Variants in NXPE2 observed in about 807,000 individuals in gnomAD.
NXPE2 encodes neurexophilin and PC-esterase domain family member 2.
Under a neutral mutation model 34.4 loss-of-function variants are expected in NXPE2, and 34 were observed. That is an observed-to-expected ratio of 0.99 (90% CI 0.75 to 1.31). NXPE2 has a LOEUF of 1.31. Ranked by LOEUF, NXPE2 falls within the 40% of genes most tolerant of loss-of-function variation. The pLI, the probability that NXPE2 is intolerant of heterozygous loss-of-function variation, is 0.00. For synonymous variants in NXPE2, 235 were observed against 231.3 expected (o/e 1.02, Z -0.15); for missense variants, 649 against 672.5 (o/e 0.97, Z 0.39).
the NXPE2 span, among the ~76,000 whole-genome samples, chr11:114,572,089 A>G: frequency 1.3e-5 from 2 of 152,264 alleles, no homozygotes; most frequent in South Asian, 4.1e-4. Flanking sequence ...TTCTTTGCAG[A>G]CACTCTCCAG....
chr11:114,704,399 A>G (rs1407295424), intron 4 of NXPE2, among the ~76,000 whole-genome samples: 1 of 152,184 alleles, frequency 6.6e-6, no homozygotes, highest in African/African-American at 2.4e-5. Context: ...GATGAGCTGC[A>G]CAGATTCAGA....
At chr11:114,491,485 C>G in the NXPE2 span, among the ~76,000 whole-genome samples, 1 of 151,900 alleles carries the variant, frequency 6.6e-6, no homozygotes, top group African/African-American at 2.4e-5. Context: ...GTTAGAATGG[C>G]GATCATTAAA....
At chr11:114,774,701 C>T in the NXPE2 span, among the ~76,000 whole-genome samples, 1 of 152,180 alleles carries the variant, frequency 6.6e-6, no homozygotes, top group Non-Finnish European at 1.5e-5. Flanking sequence ...TTCTCCTTCC[C>T]CCTTTCGCCC....
At chr11:114,765,692 C>A in the NXPE2 span, among the ~76,000 whole-genome samples, 1 of 152,130 alleles carries the variant, frequency 6.6e-6, no homozygotes, top group African/African-American at 2.4e-5. Context: ...ATATTCATTC[C>A]TACTTTCATC....
At chr11:114,616,458 C>T in the NXPE2 span, among the ~76,000 whole-genome samples, 4 of 151,598 alleles carry the variant, frequency 2.6e-5, no homozygotes, top group African/African-American at 9.8e-5. Flanking sequence ...CCACTGTTAC[C>T]CAATGGATAA....
chr11:114,788,139 C>A, the NXPE2 span, among the ~76,000 whole-genome samples: 1 of 152,224 alleles, frequency 6.6e-6, no homozygotes, highest in Non-Finnish European at 1.5e-5. Flanking sequence ...CTACCTCCCC[C>A]ACCCATGGAA....
chr11:114,634,801 C>A, the NXPE2 span, among the ~76,000 whole-genome samples: 3 of 152,002 alleles, frequency 2.0e-5, no homozygotes, highest in South Asian at 4.2e-4. Context: ...TCTGAGGGCT[C>A]TGTTCTGTTC....
chr11:114,679,557 T>C (rs1321780421), intron 1 of NXPE2, 100 bp from the exon 2 acceptor site: 1 of 633,932 alleles, frequency 1.6e-6, no homozygotes, highest in African/African-American at 1.8e-5. Flanking sequence ...CAGGATAACA[T>C]CACCTTGTTC....
chr11:114,713,918 C>T, the NXPE2 span, among the ~76,000 whole-genome samples: 1 of 152,142 alleles, frequency 6.6e-6, no homozygotes, highest in Non-Finnish European at 1.5e-5. Flanking sequence ...CAATGACAAC[C>T]AGATGCAAAA....
At chr11:114,797,622 C>T in the NXPE2 span, among the ~76,000 whole-genome samples, 3 of 152,186 alleles carry the variant, frequency 2.0e-5, no homozygotes, top group Non-Finnish European at 4.4e-5. Context: ...CAGAGCTTCC[C>T]TGGCAGCTAC....
chr11:114,763,213 G>T, the NXPE2 span, among the ~76,000 whole-genome samples: 7 of 152,140 alleles, frequency 4.6e-5, no homozygotes, highest in Admixed American at 1.3e-4. Context: ...TCTACTATTT[G>T]TTCCCTCAGC....
At chr11:114,677,700 G>A (rs2135525807), upstream of NXPE2, among the ~76,000 whole-genome samples, 1 of 152,086 alleles carries the variant, frequency 6.6e-6, no homozygotes, top group African/African-American at 2.4e-5. Flanking sequence ...CAAATGCTAT[G>A]TGTATATAAA....
chr11:114,469,506 T>C, the NXPE2 span, among the ~76,000 whole-genome samples: 1 of 152,064 alleles, frequency 6.6e-6, no homozygotes, highest in Non-Finnish European at 1.5e-5. Context: ...TACTTTTTTT[T>C]TGAGACGGAG....
chr11:114,671,576 A>G, the NXPE2 span, among the ~76,000 whole-genome samples: 2 of 152,042 alleles, frequency 1.3e-5, no homozygotes, highest in Non-Finnish European at 2.9e-5. Flanking sequence ...TAACCACAAT[A>G]AGACTAACAA....
At chr11:114,520,684 G>C in the NXPE2 span, among the ~76,000 whole-genome samples, 1 of 152,184 alleles carries the variant, frequency 6.6e-6, no homozygotes, top group African/African-American at 2.4e-5. Context: ...CTGCCATACT[G>C]TTTTCCATAA....
chr11:114,784,433 A>C, the NXPE2 span, among the ~76,000 whole-genome samples: 10 of 152,294 alleles, frequency 6.6e-5, no homozygotes, highest in African/African-American at 2.4e-4. Flanking sequence ...TCAATTGCAC[A>C]GCTGTCTGCG....
chr11:114,545,076 G>A, the NXPE2 span, among the ~76,000 whole-genome samples: 1 of 152,168 alleles, frequency 6.6e-6, no homozygotes, highest in South Asian at 2.1e-4. Context: ...AGTTGCTGGT[G>A]AGAATGTAGA....
chr11:114,801,698 G>T, the NXPE2 span, among the ~76,000 whole-genome samples: 2 of 152,058 alleles, frequency 1.3e-5, no homozygotes, highest in East Asian at 3.9e-4. Flanking sequence ...GCAGATGGGA[G>T]ATTTATTTTA....
the NXPE2 span, among the ~76,000 whole-genome samples, chr11:114,467,141 G>C: frequency 6.6e-6 from 1 of 152,130 alleles, no homozygotes; most frequent in Non-Finnish European, 1.5e-5. Flanking sequence ...GCAATCCAAA[G>C]GAAAACATCT....
Sources: allele counts gnomAD v4.1 joint callset (sites outside exome capture counted in the v4.1 genomes callset), GRCh38; gene constraint gnomAD v4.1.1; transcripts MANE v1.5; gene names NCBI Gene and HGNC (gene_info 2026-07-23, HGNC 2026-07-21).